Variants in CMIP observed in about 807,000 individuals in gnomAD.
CMIP encodes the protein c-Maf inducing protein, also known as C-Maf-inducing protein.
Under a neutral mutation model 97.3 loss-of-function variants are expected in CMIP, and 13 were observed. The observed-to-expected ratio is 0.13, with a 90% CI of 0.09 to 0.21. CMIP has a LOEUF of 0.21. Among genes scored for constraint, CMIP ranks in the 10% least tolerant of loss-of-function variants. CMIP has a pLI of 1.00. For synonymous variants in CMIP, 538 were observed against 436.3 expected, an observed-to-expected ratio of 1.23 and a Z score of -2.91; for missense variants, 847 against 1,024.9, an observed-to-expected ratio of 0.83 and a Z score of 2.37.
At chr16:81,580,223 C>T (rs559897350) in intron 1 of CMIP, among the ~76,000 whole-genome samples, 11 of 152,150 alleles carry the variant, frequency 7.2e-5, no homozygotes, top group Non-Finnish European at 1.3e-4. Context: ...AGGGCAGGGC[C>T]GTGATCAGAC....
intron 1 of CMIP, among the ~76,000 whole-genome samples, chr16:81,572,911 C>A (rs567690776): frequency 6.6e-6 from 1 of 152,216 alleles, no homozygotes; most frequent in Admixed American, 6.5e-5. Flanking sequence ...GACACACCTC[C>A]ATGATTGGTC....
In CMIP at chr16:81,614,236, G is replaced by A. The variant is rs2091876779; in HGVS notation, c.426+6544G>A. On this transcript the variant is annotated intron_variant, in intron 2 of 20. Transcript: ENST00000537098. The surrounding 1 kb of genome is among the most constrained non-coding windows in gnomAD (Gnocchi z 5.3). The stretch of plus-strand genomic sequence containing the variant: ...ACGCTGCATGGAAGCCAGTCTGAGA[G>A]CAGGGCAGGCCAGGTGCTGCCACAG... 6.6e-6 allele frequency among the ~76,000 whole-genome samples: 1 copy of A among 152,204 alleles called. No homozygotes were observed. Among genetic ancestry groups the A allele is most frequent in the South Asian group, 2.1e-4 (1 of 4,834 alleles).
intron 1 of CMIP, among the ~76,000 whole-genome samples, chr16:81,459,929 C>A (rs1906802059): frequency 6.6e-6 from 1 of 152,316 alleles, no homozygotes; most frequent in East Asian, 1.9e-4. Flanking sequence ...GCTGGGCTCA[C>A]CTTTGAATGC....
At chr16:81,691,901 C>A in intron 11 of CMIP, 61 bp downstream of exon 11, 1 of 1,428,114 alleles carries the variant, frequency 7.0e-7, no homozygotes, top group Non-Finnish European at 9.9e-7. Flanking sequence ...AGTTGTCCAC[C>A]AAGGCCTTAG....
At chr16:81,500,176 G>A (rs2089571148) in intron 1 of CMIP, among the ~76,000 whole-genome samples, 1 of 152,110 alleles carries the variant, frequency 6.6e-6, no homozygotes, top group South Asian at 2.1e-4. Context: ...GAGCATCGGT[G>A]AACATGACGC....
At chr16:81,564,202 A>G (rs776975170) in intron 1 of CMIP, among the ~76,000 whole-genome samples, 5 of 152,220 alleles carry the variant, frequency 3.3e-5, no homozygotes, top group Admixed American at 6.5e-5. Flanking sequence ...TCACACAGGC[A>G]AGGAAGCTGG....
At chr16:81,540,508 C>T (rs923334456) in intron 1 of CMIP, among the ~76,000 whole-genome samples, 1 of 151,938 alleles carries the variant, frequency 6.6e-6, no homozygotes, top group African/African-American at 2.4e-5. Context: ...TTGCCATTGC[C>T]CAGGCAGGGC....
intron 1 of CMIP, among the ~76,000 whole-genome samples, chr16:81,603,821 T>G (rs2150936567): frequency 6.6e-6 from 1 of 152,340 alleles, no homozygotes. Context: ...AGGCAAAGAT[T>G]GGTCTTTCTC....
chr16:81,665,674 A>C (rs2092595497), intron 7 of CMIP: 1 of 152,154 alleles, frequency 6.6e-6, no homozygotes, highest in South Asian at 2.1e-4. Context: ...TTCACTTGTG[A>C]TGTAGCTTGC....
chr16:81,653,121 T>A (rs1371874132), intron 4 of CMIP, among the ~76,000 whole-genome samples: 1 of 152,214 alleles, frequency 6.6e-6, no homozygotes, highest in East Asian at 1.9e-4. Flanking sequence ...TTTACAAATA[T>A]TAATACTGCT....
intron 10 of CMIP, among the ~76,000 whole-genome samples, chr16:81,687,497 G>C (rs1276905912): frequency 6.6e-6 from 1 of 152,210 alleles, no homozygotes; most frequent in South Asian, 2.1e-4. Flanking sequence ...ACCCAGGTGG[G>C]GGAACTGGTT....
intron 1 of CMIP, among the ~76,000 whole-genome samples, chr16:81,457,453 T>C (rs1173817452): frequency 1.3e-5 from 2 of 152,138 alleles, no homozygotes; most frequent in African/African-American, 4.8e-5. Flanking sequence ...CCATCTACCC[T>C]TTCTCCTAAA....
chr16:81,571,348 A>G (rs1328284650), intron 1 of CMIP, among the ~76,000 whole-genome samples: 1 of 151,984 alleles, frequency 6.6e-6, no homozygotes, highest in South Asian at 2.1e-4. Context: ...GTGTGCCTAT[A>G]GTTCCAGTTA....
At position 81,708,633 on chromosome 16, in the gene CMIP, G is replaced by C. The variant is rs187409088; in HGVS notation, c.2269-1113G>C. Among the ~76,000 whole-genome samples the C allele has an allele frequency of 2.0e-5, 3 of 152,344 alleles. No homozygotes were observed. In the East Asian group the frequency reaches 5.8e-4, roughly 29 times the overall value. On this transcript the variant is annotated intron_variant, in intron 20 of 20. Coordinates refer to ENST00000537098, the MANE Select transcript of CMIP (RefSeq NM_198390.3). ...CAGCAGCTGCCTGTCCTTTGGAGGAGGGGCCTCTGCTCAGTGCCAGGCAGG... is the reference window on the plus strand; with the variant it reads ...CAGCAGCTGCCTGTCCTTTGGAGGACGGGCCTCTGCTCAGTGCCAGGCAGG...
Position 81,710,090 on chromosome 16 carries a change from G to T in CMIP, c.*291G>T, listed in dbSNP as rs1293084263. 1 of 320,730 alleles carries T rather than the reference G, an allele frequency of 3.1e-6. No individual in the cohort carries two copies. Among genetic ancestry groups the T allele is most frequent in the African/African-American group, 2.2e-5 (1 of 45,518 alleles). The allele number at this position is 320,730 out of a possible 1,614,324, so 19.9% of individuals were successfully genotyped here. ...TCGGGGAGGGGTTTGGGGGTGGGCT[G>T]GGGGGTGGGGGACCCTTTGTGGATT... On this transcript the variant is annotated 3_prime_UTR_variant, in exon 21 of 21. Coordinates refer to ENST00000537098, the MANE Select transcript of CMIP (RefSeq NM_198390.3).
At chr16:81,496,980 G>A (rs2150772719) in intron 1 of CMIP, among the ~76,000 whole-genome samples, 2 of 152,356 alleles carry the variant, frequency 1.3e-5, no homozygotes, top group South Asian at 4.1e-4. Context: ...GTTGGAAGAG[G>A]CCATAAAAGT....
chr16:81,499,758 C>T (rs777307333), intron 1 of CMIP, among the ~76,000 whole-genome samples: 2 of 152,252 alleles, frequency 1.3e-5, no homozygotes, highest in Admixed American at 6.5e-5. Flanking sequence ...CTCCTTTACC[C>T]AGCAGCGCCC....
chr16:81,703,232 A>G (rs1469904519), intron 17 of CMIP, among the ~76,000 whole-genome samples: 2 of 152,042 alleles, frequency 1.3e-5, no homozygotes, highest in South Asian at 4.2e-4. Flanking sequence ...GTCTACTTAC[A>G]TCCCATTTTC....
intron 3 of CMIP, among the ~76,000 whole-genome samples, chr16:81,633,546 G>A (rs543084396): frequency 1.3e-4 from 20 of 152,332 alleles, no homozygotes; most frequent in African/African-American, 3.8e-4. Flanking sequence ...ATAATTGACC[G>A]GGAGATGATG....
Sources: gnomAD v4.1 joint callset for allele counts (sites outside exome capture counted in the v4.1 genomes callset) on GRCh38, gnomAD v4.1.1 for gene constraint, Gnocchi (gnomAD v3.1) non-coding constraint, MANE v1.5 for transcripts, NCBI Gene and HGNC (gene_info 2026-07-23, HGNC 2026-07-21) for gene names.